The following MCF2L2 variants were observed in gnomAD, a reference collection of about 807,000 sequenced individuals.
The protein encoded by MCF2L2 is probable guanine nucleotide exchange factor MCF2L2.
MCF2L2 carries 102 observed loss-of-function variants against 150.2 expected under a neutral mutation model. The observed-to-expected ratio is 0.68, with a 90% CI of 0.58 to 0.80. The LOEUF (loss-of-function observed/expected upper bound fraction) is 0.80. Among genes scored for constraint, MCF2L2 ranks in the 30% least tolerant of loss-of-function variants. The pLI, the probability that MCF2L2 is intolerant of heterozygous loss-of-function variation, is 0.00. For missense variants in MCF2L2, 1,256 were observed against 1,372.8 expected (o/e 0.91, Z 1.34); for synonymous variants, 465 against 491.3 (o/e 0.95, Z 0.71).
Position 183,205,867 on chromosome 3 carries a change from G to A in MCF2L2, c.2884+9C>T. ...ACTCGACAGACGAAAGTCAGCAGGG[G>A]TAACCTACCTTTGATATTATTTTGT... On this transcript the variant is annotated intron_variant, in intron 25 of 29. Coordinates refer to ENST00000328913, the MANE Select transcript of MCF2L2 (RefSeq NM_015078.4). 1.9e-6 allele frequency: 3 copies of A among 1,609,088 alleles called. No individual in the cohort carries two copies. The highest frequency in any genetic ancestry group is 1.7e-6 in the Non-Finnish European group (2 of 1,175,556).
chr3:183,221,918 T>G (rs1018057333), intron 20 of MCF2L2, among the ~76,000 whole-genome samples: 7 of 152,164 alleles, frequency 4.6e-5, no homozygotes, highest in African/African-American at 7.2e-5. Context: ...TCATTTTACA[T>G]AGAGGAAAAC....
In MCF2L2 at chr3:183,179,631, A is replaced by G. The variant is rs1721445895; in HGVS notation, c.3167T>C (p.Leu1056Pro). 1 of 1,614,092 alleles carries G rather than the reference A, an allele frequency of 6.2e-7. No homozygotes were observed. The highest frequency in any genetic ancestry group is 2.2e-5 in the East Asian group (1 of 44,882). ...HETCSSKSAF[L>P]ERGESSQGEK... ...TCCCTGGCTGCTTTCTCCCCTCTCCAGGAAAGCAGATTTGGAGGAACAGGT... is the reference window on the plus strand; with the variant it reads ...TCCCTGGCTGCTTTCTCCCCTCTCCGGGAAAGCAGATTTGGAGGAACAGGT... The change falls in exon 29 of 30, where the codon CTG becomes CCG. Residue 1056 changes from leucine (L) to proline (P), a missense_variant. Leu to Pro is a moderately conservative substitution (Grantham distance 98). Transcript: ENST00000328913. The surrounding 1 kb of genome is among the most constrained non-coding windows in gnomAD (Gnocchi z 4.2).
chr3:183,392,406 A>G (rs1481421219), intron 1 of MCF2L2, among the ~76,000 whole-genome samples: 1 of 152,188 alleles, frequency 6.6e-6, no homozygotes, highest in African/African-American at 2.4e-5. Context: ...GAGGCTGACT[A>G]GTGTCATGGG....
rs1353954482 is a variant in MCF2L2, at chr3:183,223,337, T to C, written c.2301+9A>G. 4 of 1,606,772 alleles carry C rather than the reference T, an allele frequency of 2.5e-6. No homozygotes were observed. The highest frequency in any genetic ancestry group is 2.6e-6 in the Non-Finnish European group (3 of 1,173,264). ...CCACCAAGGAAAAGCACTGTCTCAT[T>C]GATTTTACCTTCAACAGCATCTGGT... On this transcript the variant is annotated intron_variant, in intron 20 of 29. Coordinates refer to ENST00000328913, the MANE Select transcript of MCF2L2 (RefSeq NM_015078.4).
chr3:183,277,120 G>C (rs1349347816), intron 14 of MCF2L2, among the ~76,000 whole-genome samples, 163 bp from the exon 15 acceptor site: 1 of 151,502 alleles, frequency 6.6e-6, no homozygotes, highest in Non-Finnish European at 1.5e-5. Context: ...AGCCACTCTG[G>C]ATCCATTATG....
intron 24 of MCF2L2, 35 bp downstream of exon 24, chr3:183,206,087 G>A (rs768949985): frequency 5.0e-6 from 8 of 1,587,702 alleles, no homozygotes; most frequent in Middle Eastern, 1.7e-4. Flanking sequence ...TAAGGAAAGA[G>A]TAGAGGAGAC....
At chr3:183,249,652 C>T (rs897516419) in intron 15 of MCF2L2, among the ~76,000 whole-genome samples, 1 of 152,130 alleles carries the variant, frequency 6.6e-6, no homozygotes, top group Non-Finnish European at 1.5e-5. Context: ...ACTGCTGAGG[C>T]CCTGGAATTG....
chr3:183,302,930 C>A lies in MCF2L2; in HGVS notation c.1114-2734G>T, dbSNP rs140106182. 2.9e-4 allele frequency among the ~76,000 whole-genome samples: 44 copies of A among 151,758 alleles called. No homozygotes were observed. In the East Asian group the frequency reaches 8.6e-3, roughly 30 times the overall value. ...TCCCTCCTGGCTGGGCGCGGTGGCT[C>A]ACACCAGTAATCCCAGCACTTTGGG... On this transcript the variant is annotated intron_variant, in intron 10 of 29. Transcript: ENST00000328913.
intron 1 of MCF2L2, among the ~76,000 whole-genome samples, chr3:183,426,888 C>T (rs1577148381): frequency 6.6e-6 from 1 of 152,214 alleles, no homozygotes; most frequent in East Asian, 1.9e-4. Context: ...TATGTCCTCA[C>T]AAGTGTATCA....
intron 15 of MCF2L2, among the ~76,000 whole-genome samples, chr3:183,263,922 C>G (rs1725853642): frequency 6.6e-6 from 1 of 152,106 alleles, no homozygotes; most frequent in Non-Finnish European, 1.5e-5. Context: ...TTCCTTCCGT[C>G]CCCATTTCCA....
rs535573689 is a variant in MCF2L2 at position 183,181,467 on chromosome 3, G to C, written c.3017-1308C>G. ...TAGTCCCAGGAGGTGGGAGGGGCAA[G>C]GGGTGGAGGGCAGAGGAGAAACTGC... On this transcript the variant is annotated intron_variant, in intron 27 of 29. Transcript: ENST00000328913. This position sits in a 1 kb window ranked among gnomAD's most constrained non-coding sequence, Gnocchi z 4.3. Among the ~76,000 whole-genome samples, 2 of 152,136 alleles carry C rather than the reference G, an allele frequency of 1.3e-5. No individual in the cohort carries two copies. Among genetic ancestry groups the C allele is most frequent in the Non-Finnish European group, 2.9e-5 (2 of 67,996 alleles).
chr3:183,180,008 C>T, intron 28 of MCF2L2, 63 bp downstream of exon 28: 1 of 1,272,188 alleles, frequency 7.9e-7, no homozygotes, highest in Non-Finnish European at 1.1e-6. Flanking sequence ...GGACAGGAGG[C>T]AGGAGGAGCT....
chr3:183,279,337 A>G (rs1218166159), intron 14 of MCF2L2, among the ~76,000 whole-genome samples: 1 of 152,230 alleles, frequency 6.6e-6, no homozygotes, highest in Non-Finnish European at 1.5e-5. Context: ...TCTAGGAGGA[A>G]GAGAGCATAT....
chr3:183,342,782 T>A (rs1317126713), intron 3 of MCF2L2, among the ~76,000 whole-genome samples: 1 of 152,138 alleles, frequency 6.6e-6, no homozygotes, highest in Non-Finnish European at 1.5e-5. Flanking sequence ...TTAAGTCTTA[T>A]GTGCTTGTCA....
chr3:183,280,604 T>C (rs940153722), intron 14 of MCF2L2, among the ~76,000 whole-genome samples: 2 of 151,824 alleles, frequency 1.3e-5, no homozygotes, highest in African/African-American at 4.8e-5. Flanking sequence ...TCCTAGCGCT[T>C]TGGGAGGCCA....
At chr3:183,302,698 A>G (rs1346405260) in intron 10 of MCF2L2, among the ~76,000 whole-genome samples, 1 of 151,700 alleles carries the variant, frequency 6.6e-6, no homozygotes, top group Non-Finnish European at 1.5e-5. Flanking sequence ...TCCTGACTCG[A>G]CCCTTCTCTG....
At chr3:183,372,210 AGCT>A (rs1712930045) in intron 3 of MCF2L2, 1 of 152,074 alleles carries the variant, frequency 6.6e-6, no homozygotes, top group South Asian at 2.1e-4. Flanking sequence ...TGGTTTCTAA[AGCT>A]GAGTAGTTAT....
rs146983135 is a variant in MCF2L2 at position 183,270,926 on chromosome 3, G to A, written c.1862+5946C>T. 1.0e-4 allele frequency: 165 copies of A among 1,573,056 alleles called. 1 individual carries two copies. Among genetic ancestry groups the A allele is most frequent in the East Asian group, 5.8e-4 (26 of 44,694 alleles). On this transcript the variant is annotated intron_variant, in intron 15 of 29. Coordinates refer to ENST00000328913, the MANE Select transcript of MCF2L2 (RefSeq NM_015078.4). This position sits in a 1 kb window ranked among gnomAD's most constrained non-coding sequence, Gnocchi z 4.5. ...TGGACACATACCCTTGTAGGGCTGC[G>A]TTTATCTAATAGTACTTGAATGTTG...
chr3:183,363,190 T>G (rs1437959871), intron 3 of MCF2L2, among the ~76,000 whole-genome samples: 1 of 152,170 alleles, frequency 6.6e-6, no homozygotes, highest in Non-Finnish European at 1.5e-5. Context: ...TCACTGCTGG[T>G]GGGAATGCAA....
Sources: gnomAD v4.1 joint callset for allele counts (sites outside exome capture counted in the v4.1 genomes callset) on GRCh38, gnomAD v4.1.1 for gene constraint, Gnocchi (gnomAD v3.1) non-coding constraint, MANE v1.5 for transcripts, NCBI Gene and HGNC (gene_info 2026-07-23, HGNC 2026-07-21) for gene names.